ETNK2: variants seen among roughly 807,000 people sequenced by gnomAD.
ETNK2 encodes the protein ethanolamine kinase-like protein.
ETNK2 carries 33 observed loss-of-function variants against 46.2 expected under a neutral mutation model. The ratio of observed to expected loss-of-function variants is 0.71; its 90% confidence interval spans 0.54 to 0.96. The LOEUF (loss-of-function observed/expected upper bound fraction) is 0.96, where lower values mean the gene tolerates loss of function less well. Ranked by LOEUF, ETNK2 falls within the 40% of genes least tolerant of loss-of-function variation. The pLI is 0.00. For synonymous variants in ETNK2, 194 were observed against 209.0 expected (o/e 0.93, Z 0.62); for missense variants, 445 against 509.7 (o/e 0.87, Z 1.22).
intron 2 of ETNK2, among the ~76,000 whole-genome samples, chr1:204,148,601 C>T (rs937435649): frequency 4.1e-5 from 6 of 147,712 alleles, no homozygotes; most frequent in Admixed American, 1.3e-4. Context: ...CACACACACA[C>T]ACACACACAC....
In ETNK2 at chr1:204,149,914, C is replaced by T. The variant is rs1657938327; in HGVS notation, c.307G>A (p.Glu103Lys). The T allele has an allele frequency of 1.9e-6, 3 of 1,567,264 alleles. No homozygotes were observed. The highest frequency in any genetic ancestry group is 2.6e-6 in the Non-Finnish European group (3 of 1,156,132). Residue 103 changes from glutamate to lysine, a missense_variant, in exon 2 of 8, where the codon GAG becomes AAG. Coordinates refer to ENST00000367202, the MANE Select transcript of ETNK2 (RefSeq NM_018208.4). ...TNKLVACYVE[E>K]DMQDCVLVRV... ...ACCAGCACGCAGTCCTGCATGTCCT[C>T]CTCCACATAGCAGGCCACCAGCTTG...
chr1:204,146,495 T>C (rs1187577120), intron 3 of ETNK2, 147 bp downstream of exon 3: 1 of 920,738 alleles, frequency 1.1e-6, no homozygotes, highest in Non-Finnish European at 1.7e-6. Context: ...GCTTACCGAC[T>C]AGGACTGAAG....
chr1:204,145,648 G>A (rs1479615182), intron 3 of ETNK2, among the ~76,000 whole-genome samples: 3 of 152,222 alleles, frequency 2.0e-5, no homozygotes, highest in East Asian at 3.8e-4. Context: ...ATAAAGTCAT[G>A]CATGTGTGTG....
At chr1:204,147,111 T>C (rs72747898) in intron 2 of ETNK2, 5,618 of 418,360 alleles carry the variant, frequency 0.013, 62 homozygotes, top group Non-Finnish European at 0.018. Context: ...GAGGGGCACC[T>C]GGGGATGGGG....
chr1:204,150,302 G>A (rs1327013817), intron 1 of ETNK2, among the ~76,000 whole-genome samples: 1 of 152,174 alleles, frequency 6.6e-6, no homozygotes, highest in African/African-American at 2.4e-5. Flanking sequence ...ACCCCAGTAC[G>A]GAAAGAAACA....
At chr1:204,147,868 T>C (rs1488866489) in intron 2 of ETNK2, among the ~76,000 whole-genome samples, 1 of 152,184 alleles carries the variant, frequency 6.6e-6, no homozygotes, top group Non-Finnish European at 1.5e-5. Context: ...AGGCTGTGCT[T>C]TCTTTCAGAG....
intron 3 of ETNK2, among the ~76,000 whole-genome samples, chr1:204,146,324 G>C (rs1457879095): frequency 6.6e-6 from 1 of 152,170 alleles, no homozygotes; most frequent in Non-Finnish European, 1.5e-5. Flanking sequence ...GCTGGGCCAA[G>C]CTCAGTCTCT....
intron 7 of ETNK2, among the ~76,000 whole-genome samples, chr1:204,132,805 CTTGT>C (rs1370678312): frequency 6.6e-6 from 1 of 152,016 alleles, no homozygotes; most frequent in Non-Finnish European, 1.5e-5. Context: ...CACAAACATG[CTTGT>C]TTGGAGTTTT....
At position 204,140,039 on chromosome 1, in the gene ETNK2, A is replaced by G; in HGVS notation, c.864T>C (p.Phe288=). 6.2e-7 allele frequency: 1 copy of G among 1,613,912 alleles called. No individual in the cohort carries two copies. The highest frequency in any genetic ancestry group is 1.1e-5 in the South Asian group (1 of 91,074). ...AFDIGNHFNE[F]AGVNEVDYCL... The stretch of plus-strand genomic sequence containing the variant: ...CTGTAGAAATGCCCCTCTCACCTGC[A>G]AACTCATTGAAATGGTTGCCAATGT... The change falls in exon 5 of 8, where the codon TTT becomes TTC. Residue 288 remains phenylalanine, a synonymous_variant. Coordinates refer to ENST00000367202, the MANE Select transcript of ETNK2 (RefSeq NM_018208.4).
chr1:204,135,657 T>G (rs993977429), intron 6 of ETNK2, among the ~76,000 whole-genome samples: 3 of 152,206 alleles, frequency 2.0e-5, no homozygotes, highest in African/African-American at 4.8e-5. Flanking sequence ...AGCTAGCACA[T>G]GTGAATGATC....
chr1:204,144,369 A>AAAAAAAAAAAAAAAAAAAAAAAT (rs1657696442), intron 3 of ETNK2, among the ~76,000 whole-genome samples: 1 of 139,030 alleles, frequency 7.2e-6, no homozygotes, highest in Non-Finnish European at 1.6e-5. Context: ...AAAAAAAAAA[A>AAAAAAAAAAAAAAAAAAAAAAAT]GCCATTTCCT....
chr1:204,133,090 C>T (rs1657135229), intron 7 of ETNK2, among the ~76,000 whole-genome samples: 1 of 152,084 alleles, frequency 6.6e-6, no homozygotes, highest in South Asian at 2.1e-4. Flanking sequence ...ACATTTCCTT[C>T]GTTTTTAAGG....
chr1:204,135,276 G>C (rs1186413395), intron 6 of ETNK2, among the ~76,000 whole-genome samples: 1 of 152,160 alleles, frequency 6.6e-6, no homozygotes, highest in East Asian at 1.9e-4. Flanking sequence ...CAAGAAGCCA[G>C]GGATTGGATG....
At chr1:204,148,081 A>G (rs1657861841) in intron 2 of ETNK2, among the ~76,000 whole-genome samples, 1 of 152,184 alleles carries the variant, frequency 6.6e-6, no homozygotes, top group African/African-American at 2.4e-5. Flanking sequence ...GCAAAGCCTC[A>G]GCAGGCTGAG....
intron 5 of ETNK2, among the ~76,000 whole-genome samples, chr1:204,138,161 G>T (rs1042526929): frequency 3.3e-5 from 5 of 152,148 alleles, no homozygotes; most frequent in African/African-American, 1.2e-4. Context: ...GAGAGGAGAA[G>T]AAATGCACCC....
intron 2 of ETNK2, among the ~76,000 whole-genome samples, chr1:204,148,806 C>T (rs1160123780): frequency 6.6e-6 from 1 of 152,202 alleles, no homozygotes; most frequent in Admixed American, 6.5e-5. Context: ...GGGCTTGTTT[C>T]CCCTCAGTAT....
At chr1:204,133,534 AT>A (rs1277693481) in intron 7 of ETNK2, among the ~76,000 whole-genome samples, 195 of 131,110 alleles carry the variant, frequency 1.5e-3, no homozygotes, top group African/African-American at 4.8e-3. Flanking sequence ...ATTTTATTTT[AT>A]TTTTTTTTTT....
At chr1:204,133,781 TC>T (rs1460459943) in intron 7 of ETNK2, among the ~76,000 whole-genome samples, 1 of 152,218 alleles carries the variant, frequency 6.6e-6, no homozygotes, top group African/African-American at 2.4e-5. Context: ...TCCACCCGCC[TC>T]AGCCTCCCAA....
chr1:204,145,499 AG>A (rs910294767), intron 3 of ETNK2, among the ~76,000 whole-genome samples: 16 of 152,250 alleles, frequency 1.1e-4, no homozygotes, highest in African/African-American at 3.9e-4. Flanking sequence ...TCTAACCCTG[AG>A]GGAAAAGGAG....
Sources: allele counts gnomAD v4.1 joint callset (sites outside exome capture counted in the v4.1 genomes callset), GRCh38; gene constraint gnomAD v4.1.1; transcripts MANE v1.5; gene names NCBI Gene and HGNC (gene_info 2026-07-23, HGNC 2026-07-21).